Variants in POLR2B observed in about 807,000 individuals in gnomAD.
POLR2B encodes the protein DNA-directed RNA polymerase II subunit RPB2.
Under a neutral mutation model 144.6 loss-of-function variants are expected in POLR2B, and 57 were observed. The ratio of observed to expected loss-of-function variants is 0.39; its 90% CI spans 0.32 to 0.49. The LOEUF (loss-of-function observed/expected upper bound fraction) is 0.49, where lower values mean the gene tolerates loss of function less well. Ranked by LOEUF, POLR2B falls within the 20% of genes least tolerant of loss-of-function variation. POLR2B has a pLI of 0.83. For missense variants in POLR2B, 595 were observed against 1,467.4 expected (o/e 0.41, Z 9.71); for synonymous variants, 442 against 469.8 (o/e 0.94, Z 0.77).
intron 2 of POLR2B, among the ~76,000 whole-genome samples, chr4:56,987,081 G>A (rs1722358424): frequency 1.3e-5 from 2 of 152,030 alleles, no homozygotes. Flanking sequence ...TTACTTTTTA[G>A]GATGCCTTTC....
At chr4:57,015,195 T>G (rs912478655) in intron 13 of POLR2B, among the ~76,000 whole-genome samples, 3 of 152,194 alleles carry the variant, frequency 2.0e-5, no homozygotes, top group Non-Finnish European at 4.4e-5. Context: ...AGAACCAAAA[T>G]AAGAAATTGT....
intron 1 of POLR2B, among the ~76,000 whole-genome samples, chr4:56,979,807 GACGA>G (rs1472180512): frequency 6.6e-6 from 1 of 151,544 alleles, no homozygotes; most frequent in Non-Finnish European, 1.5e-5. Context: ...GCTGAGGCCG[GACGA>G]TCGCTTGAGC....
At chr4:57,025,573 C>A in intron 23 of POLR2B, 36 bp downstream of exon 23, 2 of 1,407,110 alleles carry the variant, frequency 1.4e-6, no homozygotes, top group Non-Finnish European at 1.0e-6. Context: ...TATTAATTAA[C>A]CTTATATTAT....
At chr4:56,992,359 G>A (rs532127407) in intron 3 of POLR2B, among the ~76,000 whole-genome samples, 86 of 147,902 alleles carry the variant, frequency 5.8e-4, no homozygotes, top group African/African-American at 2.1e-3. Context: ...CAGCTACTAG[G>A]GAGGCTGAGA....
At chr4:57,008,678 A>G (rs1723100317) in intron 10 of POLR2B, among the ~76,000 whole-genome samples, 1 of 152,254 alleles carries the variant, frequency 6.6e-6, no homozygotes, top group East Asian at 1.9e-4. Flanking sequence ...CTCTGTGGAA[A>G]TGCTGGAGAA....
intron 10 of POLR2B, among the ~76,000 whole-genome samples, chr4:57,008,074 G>A (rs1723076979): frequency 6.6e-6 from 1 of 152,198 alleles, no homozygotes; most frequent in Non-Finnish European, 1.5e-5. Flanking sequence ...ACACATGAAT[G>A]AGATGCTGAT....
At chr4:57,022,103 CTTT>C (rs1723571577) in intron 17 of POLR2B, 46 bp from the exon 18 acceptor site, 2 of 1,118,202 alleles carry the variant, frequency 1.8e-6, no homozygotes, top group Non-Finnish European at 2.6e-6. Context: ...AGTCTCAGCC[CTTT>C]TGTTAAAAGA....
chr4:57,024,042 T>C lies in POLR2B; in HGVS notation c.2894T>C (p.Ile965Thr), dbSNP rs1235309508. 1.2e-6 allele frequency: 2 copies of C among 1,610,052 alleles called. No individual in the cohort carries two copies. Among genetic ancestry groups the C allele is most frequent in the Admixed American group, 1.7e-5 (1 of 59,516 alleles). Residue 965 changes from isoleucine to threonine, a missense_variant, in exon 21 of 25, where the codon ATC becomes ACC. Around this residue, in one of 9 missense-constraint regions of POLR2B, gnomAD observed 65 missense variants for 282.8 expected, o/e 0.23. Coordinates refer to ENST00000314595, the MANE Select transcript of POLR2B (RefSeq NM_000938.3). ...PFTCEGITPD[I>T]IINPHAIPSR... Reference sequence around the variant, plus strand: ...ACCTGTGAAGGTATCACCCCTGATATCATCATCAATCCCCATGCCATCCCC... The same window carrying C: ...ACCTGTGAAGGTATCACCCCTGATACCATCATCAATCCCCATGCCATCCCC...
rs1578591065 is a variant in POLR2B, at chr4:57,022,235, A to G, written c.2504A>G (p.Glu835Gly). 6.2e-7 allele frequency: 1 copy of G among 1,600,178 alleles called. No individual in the cohort carries two copies. The highest frequency in any genetic ancestry group is 2.2e-5 in the East Asian group (1 of 44,778). ...QEEVFEKPTRETCQGMRHAIY... is the reference protein window; with the variant it reads ...QEEVFEKPTRGTCQGMRHAIY... ...GAAGTTTTTGAGAAGCCTACACGTGAAACATGCCAGGGTAAGTGACACTAA... is the reference window on the plus strand; with the variant it reads ...GAAGTTTTTGAGAAGCCTACACGTGGAACATGCCAGGGTAAGTGACACTAA... The change falls in exon 18 of 25, where the codon GAA (glutamate) becomes GGA (glycine). Residue 835 changes from glutamate to glycine, a missense_variant. Glu to Gly is a moderately conservative substitution (Grantham distance 98). Around this residue, in one of 9 missense-constraint regions of POLR2B, gnomAD observed 75 missense variants for 100.0 expected, o/e 0.75. Transcript: ENST00000314595.
Position 57,010,370 on chromosome 4 carries a change from C to T in POLR2B, c.1414C>T (p.Arg472Cys), listed in dbSNP as rs1467226386. The change falls in exon 11 of 25, where the codon CGC becomes TGC. Residue 472 changes from arginine (R) to cysteine (C), a missense_variant. By Grantham distance (180) the Arg-to-Cys change is radical (BLOSUM62 -3). This residue lies in a region of POLR2B where 251 missense variants were observed against 567.3 expected (regional missense o/e 0.44). Transcript: ENST00000314595. Reference sequence around the variant, plus strand: ...GGCTATTTTTTTCTAGGTGTTAAACCGCCTGACTTTTGCGTCTACTCTTTC... The same window carrying T: ...GGCTATTTTTTTCTAGGTGTTAAACTGCCTGACTTTTGCGTCTACTCTTTC... ...ARAGVSQVLN[R>C]LTFASTLSHL... 1 of 1,613,488 alleles carries T rather than the reference C, an allele frequency of 6.2e-7. No individual in the cohort carries two copies. Among genetic ancestry groups the T allele is most frequent in the Non-Finnish European group, 8.5e-7 (1 of 1,179,756 alleles).
At chr4:57,028,642 A>T (rs1467261870) in intron 23 of POLR2B, among the ~76,000 whole-genome samples, 2 of 152,204 alleles carry the variant, frequency 1.3e-5, no homozygotes, top group Admixed American at 1.3e-4. Flanking sequence ...CAGCAGTTTT[A>T]TTCATGTTTC....
At chr4:57,022,289 T>G in intron 18 of POLR2B, 43 bp downstream of exon 18, 1 of 1,267,234 alleles carries the variant, frequency 7.9e-7, no homozygotes, top group Non-Finnish European at 1.1e-6. Context: ...CAAAGTTAAC[T>G]TACTGTGGTT....
intron 7 of POLR2B, among the ~76,000 whole-genome samples, chr4:57,001,727 G>T (rs1722860645): frequency 6.6e-6 from 1 of 152,136 alleles, no homozygotes; most frequent in African/African-American, 2.4e-5. Flanking sequence ...CCACTGTAAG[G>T]TTACTATTTT....
At chr4:57,003,377 C>T (rs1449371656) in intron 7 of POLR2B, among the ~76,000 whole-genome samples, 1 of 151,800 alleles carries the variant, frequency 6.6e-6, no homozygotes, top group Non-Finnish European at 1.5e-5. Context: ...TTGCAGTGAG[C>T]CAAGATCACG....
At chr4:57,018,061 G>A (rs904042748) in intron 16 of POLR2B, among the ~76,000 whole-genome samples, 3 of 152,060 alleles carry the variant, frequency 2.0e-5, no homozygotes, top group Non-Finnish European at 4.4e-5. Context: ...GGGCCCAGAT[G>A]GACGAAGACA....
rs1184970784 is a variant in POLR2B, at chr4:57,005,352, T to C, written c.1007T>C (p.Ile336Thr). Residue 336 changes from isoleucine (I) to threonine (T), a missense_variant, in exon 8 of 25, where the codon ATT becomes ACT. Physicochemically the swap from Ile to Thr is moderately conservative, Grantham distance 89. Transcript: ENST00000314595. ...AKPGVTKEKR[I>T]KYAKEVLQKE... ...CCTGGTGTTACTAAAGAGAAAAGAA[T>C]TAAATATGCAAAGGAAGTTTTACAA... 1.2e-6 allele frequency: 2 copies of C among 1,610,286 alleles called. No individual in the cohort carries two copies. Among genetic ancestry groups the C allele is most frequent in the Non-Finnish European group, 1.7e-6 (2 of 1,178,566 alleles).
At position 56,999,557 on chromosome 4, in the gene POLR2B, G is replaced by A. The variant is rs1370171745; in HGVS notation, c.736-60G>A. ...ATATATATTAAATAGTTCTCTTGGT[G>A]TTTTTATATTGCTGTGAGCTTTTGT... On this transcript the variant is annotated intron_variant, in intron 6 of 24. Coordinates refer to ENST00000314595, the MANE Select transcript of POLR2B (RefSeq NM_000938.3). 1.3e-5 allele frequency: 15 copies of A among 1,127,744 alleles called. No homozygotes were observed. The Admixed American group carries it at 3.4e-4, about 26-fold the overall frequency. 69.9% of individuals were successfully genotyped at this position (1,127,744 alleles called of 1,614,324 possible).
chr4:57,002,318 C>T (rs1407972956), intron 7 of POLR2B, among the ~76,000 whole-genome samples: 16 of 152,188 alleles, frequency 1.1e-4, no homozygotes, highest in African/African-American at 2.4e-5. Flanking sequence ...CGTGAACCAC[C>T]GTGTCCAGGC....
At chr4:57,024,592 G>A (rs1723656431) in intron 21 of POLR2B, among the ~76,000 whole-genome samples, 1 of 151,990 alleles carries the variant, frequency 6.6e-6, no homozygotes, top group Non-Finnish European at 1.5e-5. Context: ...CACTCTTTTT[G>A]TACCTGATCC....
Sources: gnomAD v4.1 joint callset for allele counts (sites outside exome capture counted in the v4.1 genomes callset) on GRCh38, gnomAD v4.1.1 for gene constraint, gnomAD v4.1.1 regional missense constraint, MANE v1.5 for transcripts, NCBI Gene and HGNC (gene_info 2026-07-23, HGNC 2026-07-21) for gene names.